The following SYT13 variants were observed in gnomAD, a reference collection of about 807,000 sequenced individuals.
SYT13 encodes synaptotagmin 13.
SYT13 carries 21 observed loss-of-function variants against 38.6 expected under a neutral mutation model. That is an observed-to-expected ratio of 0.54 (90% confidence interval 0.39 to 0.78). SYT13 has a LOEUF of 0.78. Ranked by LOEUF, SYT13 falls within the 30% of genes least tolerant of loss-of-function variation. The probability of loss-of-function intolerance (pLI) is 0.00; values close to 1 mark genes in which losing one functional copy is unlikely to be tolerated. For synonymous variants in SYT13, 241 were observed against 237.6 expected (o/e 1.01, Z -0.13); for missense variants, 495 against 548.7 (o/e 0.90, Z 0.98).
chr11:45,276,032 A>G (rs572778353), intron 1 of SYT13, among the ~76,000 whole-genome samples: 4 of 152,316 alleles, frequency 2.6e-5, no homozygotes, highest in African/African-American at 9.6e-5. Context: ...TAGTTGCTCA[A>G]TACAGACAGC....
chr11:45,250,687 T>C (rs1854663310), intron 4 of SYT13, among the ~76,000 whole-genome samples: 1 of 152,190 alleles, frequency 6.6e-6, no homozygotes. Context: ...GAGTTCCATC[T>C]GAGAGTGGCT....
At chr11:45,267,088 A>T (rs532346230) in intron 1 of SYT13, among the ~76,000 whole-genome samples, 2 of 152,330 alleles carry the variant, frequency 1.3e-5, no homozygotes, top group East Asian at 3.9e-4. Context: ...TAGGAAGTAC[A>T]AATATTGTCA....
chr11:45,257,078 T>C (rs937064042), intron 1 of SYT13, among the ~76,000 whole-genome samples: 2 of 152,220 alleles, frequency 1.3e-5, no homozygotes, highest in African/African-American at 4.8e-5. Flanking sequence ...AAATGTAGCC[T>C]GTGTACCACT....
chr11:45,263,884 C>A (rs1055563444), intron 1 of SYT13, among the ~76,000 whole-genome samples: 6 of 152,082 alleles, frequency 3.9e-5, no homozygotes, highest in South Asian at 2.1e-4. Flanking sequence ...GGGATGCTAA[C>A]AATAGCATCT....
chr11:45,252,528 C>T lies in SYT13; in HGVS notation c.739G>A (p.Asp247Asn), dbSNP rs771867688. The T allele has an allele frequency of 4.3e-6, 7 of 1,614,036 alleles. No individual in the cohort carries two copies. The highest frequency in any genetic ancestry group is 4.5e-5 in the East Asian group (2 of 44,868). ...GCCACGCTGTGACGGGAGAAGCGGTCGCAGGTCCTCAAGGTCAGCGTCAGG... is the reference window on the plus strand; with the variant it reads ...GCCACGCTGTGACGGGAGAAGCGGTTGCAGGTCCTCAAGGTCAGCGTCAGG... The part of the protein sequence containing the change: ...ATLTLTLRTC[D>N]RFSRHSVAGE... The change falls in exon 4 of 6, where the codon GAC (aspartate) becomes AAC (asparagine). Residue 247 changes from aspartate (D) to asparagine (N), a missense_variant. Physicochemically the swap from Asp to Asn is conservative, Grantham distance 23 (BLOSUM62 1). Coordinates refer to ENST00000020926, the MANE Select transcript of SYT13 (RefSeq NM_020826.3). The surrounding 1 kb of genome is among the most constrained non-coding windows in gnomAD (Gnocchi z 4.3).
intron 1 of SYT13, among the ~76,000 whole-genome samples, chr11:45,262,830 A>G (rs1854835730): frequency 6.6e-6 from 1 of 152,012 alleles, no homozygotes; most frequent in Admixed American, 6.6e-5. Flanking sequence ...TTCTTTTACC[A>G]TAATAAAAAA....
At position 45,240,846 on chromosome 11, in the gene SYT13, A is replaced by C. The variant is rs1854541749; in HGVS notation, c.*3206T>G. ...TTTACCTCTACCTCACACCCTTTTT[A>C]GAAATGCTCACTGGCATCACACAAG... On this transcript the variant is annotated 3_prime_UTR_variant, in exon 6 of 6. Coordinates refer to ENST00000020926, the MANE Select transcript of SYT13 (RefSeq NM_020826.3). The C allele has an allele frequency of 6.6e-6, 1 of 152,244 alleles. No individual in the cohort carries two copies. Among genetic ancestry groups the C allele is most frequent in the Non-Finnish European group, 1.5e-5 (1 of 68,044 alleles). 9.4% of individuals were successfully genotyped at this position (152,244 alleles called of 1,614,324 possible).
chr11:45,272,227 G>C (rs888397651), intron 1 of SYT13, among the ~76,000 whole-genome samples: 3 of 152,292 alleles, frequency 2.0e-5, no homozygotes, highest in African/African-American at 7.2e-5. Flanking sequence ...ATAGCATTAG[G>C]AGAAATATCT....
At chr11:45,272,375 C>T (rs1218770860) in intron 1 of SYT13, among the ~76,000 whole-genome samples, 1 of 152,144 alleles carries the variant, frequency 6.6e-6, no homozygotes, top group Non-Finnish European at 1.5e-5. Context: ...AAAAGCAGAA[C>T]CCCTGTGTGT....
chr11:45,244,798 C>T lies in SYT13; in HGVS notation c.977-442G>A, dbSNP rs558052800. On this transcript the variant is annotated intron_variant, in intron 5 of 5. Transcript: ENST00000020926. Reference sequence around the variant, plus strand: ...AGAACTGACACTAAAGTGTAGGAAACGGCCAATACCATGATATAGAAGGCT... The same window carrying T: ...AGAACTGACACTAAAGTGTAGGAAATGGCCAATACCATGATATAGAAGGCT... Among the ~76,000 whole-genome samples, 75 of 152,288 alleles carry T rather than the reference C, an allele frequency of 4.9e-4. 1 individual carries two copies. The highest frequency in any genetic ancestry group is 3.4e-3 in the Middle Eastern group (1 of 294).
At chr11:45,280,252 C>G (rs1377010073) in intron 1 of SYT13, among the ~76,000 whole-genome samples, 13 of 152,080 alleles carry the variant, frequency 8.5e-5, no homozygotes, top group Non-Finnish European at 1.9e-4. Flanking sequence ...CTAATAGGAC[C>G]ACACTGATGG....
intron 1 of SYT13, among the ~76,000 whole-genome samples, chr11:45,267,031 C>G (rs1854891372): frequency 6.6e-6 from 1 of 152,214 alleles, no homozygotes; most frequent in African/African-American, 2.4e-5. Context: ...TTACCTGTGC[C>G]CTGCACTGTT....
chr11:45,269,816 G>A (rs1413154494), intron 1 of SYT13, among the ~76,000 whole-genome samples: 1 of 152,180 alleles, frequency 6.6e-6, no homozygotes, highest in African/African-American at 2.4e-5. Flanking sequence ...GTTGAAAATG[G>A]AAAAGTTTGA....
chr11:45,258,979 A>G (rs1854784015), intron 1 of SYT13, among the ~76,000 whole-genome samples: 1 of 152,204 alleles, frequency 6.6e-6, no homozygotes, highest in Non-Finnish European at 1.5e-5. Flanking sequence ...TCACGATCAT[A>G]CAACTGACAA....
intron 5 of SYT13, among the ~76,000 whole-genome samples, chr11:45,245,548 T>A (rs920799861): frequency 1.3e-5 from 2 of 152,244 alleles, no homozygotes; most frequent in Admixed American, 1.3e-4. Flanking sequence ...AAATTCAGAA[T>A]GCAGTGGCAA....
chr11:45,275,868 T>C (rs907536022), intron 1 of SYT13, among the ~76,000 whole-genome samples: 2 of 152,172 alleles, frequency 1.3e-5, no homozygotes, highest in African/African-American at 4.8e-5. Context: ...ATGGGAAAGA[T>C]GACAATAATA....
intron 1 of SYT13, among the ~76,000 whole-genome samples, chr11:45,260,783 A>T (rs1486674766): frequency 6.6e-6 from 1 of 152,086 alleles, no homozygotes; most frequent in Non-Finnish European, 1.5e-5. Context: ...GCCTCCTTAG[A>T]TTCTCCGCCT....
intron 1 of SYT13, among the ~76,000 whole-genome samples, chr11:45,270,879 C>A (rs918911308): frequency 6.6e-6 from 1 of 152,202 alleles, no homozygotes; most frequent in African/African-American, 2.4e-5. Context: ...TAACTAGATT[C>A]TCCTTATATA....
Position 45,244,230 on chromosome 11 carries a change from A to G in SYT13, c.1103T>C (p.Leu368Pro). 6.2e-7 allele frequency: 1 copy of G among 1,614,092 alleles called. No individual in the cohort carries two copies. Among genetic ancestry groups the G allele is most frequent in the Non-Finnish European group, 8.5e-7 (1 of 1,180,050 alleles). Residue 368 changes from leucine (L) to proline (P), a missense_variant, in exon 6 of 6, where the codon CTG becomes CCG. Coordinates refer to ENST00000020926, the MANE Select transcript of SYT13 (RefSeq NM_020826.3). ...CAGCTCCACACTGGAGGCCTGCAGC[A>G]GGTCGTCAGGCAGCTCAAACATGAT... Reference protein sequence around the residue: ...EMIMFELPDDLLQASSVELEV... With the variant: ...EMIMFELPDDPLQASSVELEV...
Sources: gnomAD v4.1 joint callset for allele counts (sites outside exome capture counted in the v4.1 genomes callset) on GRCh38, gnomAD v4.1.1 for gene constraint, Gnocchi (gnomAD v3.1) non-coding constraint, MANE v1.5 for transcripts, NCBI Gene and HGNC (gene_info 2026-07-23, HGNC 2026-07-21) for gene names.